The following ATP8A1 variants were observed in gnomAD, a reference collection of about 807,000 sequenced individuals.
ATP8A1 encodes the protein phospholipid-transporting ATPase IA.
ATP8A1 carries 90 observed loss-of-function variants against 177.7 expected under a neutral mutation model. That is an observed-to-expected ratio of 0.51 (90% CI 0.43 to 0.60). The LOEUF (loss-of-function observed/expected upper bound fraction) is 0.60. Ranked by LOEUF, ATP8A1 falls within the 20% of genes least tolerant of loss-of-function variation. ATP8A1 has a pLI of 0.00. For synonymous variants in ATP8A1, 493 were observed against 485.9 expected (o/e 1.01, Z -0.19); for missense variants, 1,072 against 1,392.8 (o/e 0.77, Z 3.67).
chr4:42,481,644 TG>T (rs1388417504), intron 25 of ATP8A1, among the ~76,000 whole-genome samples: 1 of 152,270 alleles, frequency 6.6e-6, no homozygotes, highest in African/African-American at 2.4e-5. Flanking sequence ...TGATTTCAGC[TG>T]TATCCATAAA....
At chr4:42,485,355 T>C in intron 25 of ATP8A1, 141 bp downstream of exon 25, 1 of 628,548 alleles carries the variant, frequency 1.6e-6, no homozygotes, top group South Asian at 3.5e-5. Flanking sequence ...TCCCAGTTTG[T>C]GAACCTCAAG....
chr4:42,635,067 T>C (rs892122040), intron 1 of ATP8A1, among the ~76,000 whole-genome samples: 1 of 152,206 alleles, frequency 6.6e-6, no homozygotes, highest in Non-Finnish European at 1.5e-5. Context: ...ATTTACTTAT[T>C]TTGGATAATA....
At chr4:42,474,263 C>T (rs1442811296) in intron 25 of ATP8A1, among the ~76,000 whole-genome samples, 1 of 152,028 alleles carries the variant, frequency 6.6e-6, no homozygotes, top group Non-Finnish European at 1.5e-5. Context: ...AAAAGAGTGG[C>T]ATGTGAGGGA....
At chr4:42,445,176 C>T (rs199512933) in intron 31 of ATP8A1, among the ~76,000 whole-genome samples, 11 of 152,168 alleles carry the variant, frequency 7.2e-5, no homozygotes, top group Non-Finnish European at 1.5e-4. Flanking sequence ...CTGGGGCTTA[C>T]GCTAGTCATT....
intron 33 of ATP8A1, among the ~76,000 whole-genome samples, chr4:42,431,513 C>G (rs1214083979): frequency 1.3e-5 from 2 of 152,006 alleles, no homozygotes; most frequent in Non-Finnish European, 2.9e-5. Context: ...AAGGTTTCTT[C>G]TTGTTGCTGT....
At chr4:42,475,489 G>C (rs1236221018) in intron 25 of ATP8A1, among the ~76,000 whole-genome samples, 1 of 27,940 alleles carries the variant, frequency 3.6e-5, no homozygotes, top group Non-Finnish European at 9.4e-5. Context: ...TTAAATATCA[G>C]ACAAAAAAAA....
chr4:42,425,053 T>C (rs1714430427), intron 33 of ATP8A1, among the ~76,000 whole-genome samples: 1 of 152,242 alleles, frequency 6.6e-6, no homozygotes, highest in Non-Finnish European at 1.5e-5. Context: ...ATAGGAAATG[T>C]CTATCAAGTC....
chr4:42,602,061 C>G (rs957754160), intron 5 of ATP8A1, among the ~76,000 whole-genome samples: 6 of 151,872 alleles, frequency 4.0e-5, no homozygotes. Flanking sequence ...GCTTATAAAA[C>G]AAATTAATGA....
chr4:42,472,336 A>G (rs1720519131), intron 25 of ATP8A1: 1 of 459,902 alleles, frequency 2.2e-6, no homozygotes, highest in Non-Finnish European at 4.2e-6. Context: ...TAAGCAGCTC[A>G]CAGGCGAGGA....
chr4:42,461,411 G>A (rs963760858), intron 27 of ATP8A1, among the ~76,000 whole-genome samples: 8 of 152,042 alleles, frequency 5.3e-5, no homozygotes, highest in African/African-American at 1.9e-4. Flanking sequence ...TCTTTCCAAT[G>A]CTGTTCTTGT....
At chr4:42,421,249 C>T (rs3935447) in intron 35 of ATP8A1, among the ~76,000 whole-genome samples, 57,232 of 151,984 alleles carry the variant, frequency 0.38, 11,093 homozygotes, top group African/African-American at 0.45. Context: ...TTATCATTCC[C>T]ATCCTGTACA....
intron 30 of ATP8A1, 107 bp from the exon 31 acceptor site, chr4:42,446,751 C>A (rs1209785805): frequency 4.7e-5 from 38 of 805,456 alleles, no homozygotes; most frequent in East Asian, 5.8e-5. Context: ...AAGGGATACA[C>A]AATGGAGCCA....
In ATP8A1 at chr4:42,472,486, C is replaced by T. The variant is rs146147740; in HGVS notation, c.2325-7410G>A. 790 of 290,840 alleles carry T rather than the reference C, an allele frequency of 2.7e-3. 5 individuals carry two copies. Among genetic ancestry groups the T allele is most frequent in the African/African-American group, 0.016 (690 of 44,486 alleles). 18.0% of individuals were successfully genotyped at this position (290,840 alleles called of 1,614,324 possible). A position where few individuals can be genotyped will look rare whatever the true frequency, so the allele number is the denominator to read the frequency against. ...AAATTTGGCCAGGAGCAGTGGCTCA[C>T]GCCTGTAATCCCAGCACTTTGGGAA... is the stretch of plus-strand genomic sequence containing the variant. On this transcript the variant is annotated intron_variant, in intron 25 of 36. Coordinates refer to ENST00000381668, the MANE Select transcript of ATP8A1 (RefSeq NM_006095.2).
At position 42,615,935 on chromosome 4, in the gene ATP8A1, T is replaced by C. The variant is rs372663980; in HGVS notation, c.409+98A>G. ...TCTACCCCAAAACAAAAACTTGAGATGCACACTATTTGCAATTGAATTATA... is the reference window on the plus strand; with the variant it reads ...TCTACCCCAAAACAAAAACTTGAGACGCACACTATTTGCAATTGAATTATA... On this transcript the variant is annotated intron_variant, in intron 5 of 36. Transcript: ENST00000381668. 106 of 1,141,306 alleles carry C rather than the reference T, an allele frequency of 9.3e-5. 2 individuals are homozygous for C. The highest frequency in any genetic ancestry group is 8.7e-4 in the East Asian group (36 of 41,456). 70.7% of individuals were successfully genotyped at this position (1,141,306 alleles called of 1,614,324 possible).
At chr4:42,601,399 C>T (rs1174374889) in intron 5 of ATP8A1, among the ~76,000 whole-genome samples, 1 of 149,684 alleles carries the variant, frequency 6.7e-6, no homozygotes, top group Non-Finnish European at 1.5e-5. Flanking sequence ...GAAGAAGAGG[C>T]TACTATTAAA....
intron 22 of ATP8A1, among the ~76,000 whole-genome samples, chr4:42,514,385 T>C (rs1725311301): frequency 6.6e-6 from 1 of 152,222 alleles, no homozygotes. Flanking sequence ...AGAAGGAACC[T>C]ATCCTACCAG....
intron 33 of ATP8A1, among the ~76,000 whole-genome samples, chr4:42,425,280 T>G (rs1459511003): frequency 6.6e-6 from 1 of 152,166 alleles, no homozygotes; most frequent in African/African-American, 2.4e-5. Flanking sequence ...GTATTAAATG[T>G]CCACCAGTGG....
chr4:42,473,720 A>C (rs976009313), intron 25 of ATP8A1, among the ~76,000 whole-genome samples: 11 of 151,958 alleles, frequency 7.2e-5, no homozygotes, highest in African/African-American at 2.7e-4. Flanking sequence ...ATCTTGGCTC[A>C]CTGTAGCCTC....
rs561419135 is a variant in ATP8A1 at position 42,498,191 on chromosome 4, T to C, written c.2151+5259A>G. 2.6e-5 allele frequency among the ~76,000 whole-genome samples: 4 copies of C among 152,346 alleles called. No individual in the cohort carries two copies. In the East Asian group the frequency reaches 7.7e-4, roughly 29 times the overall value. On this transcript the variant is annotated intron_variant, in intron 24 of 36. Transcript: ENST00000381668. ...CTGAAGTAGCCCAAATTCTCTTTTT[T>C]CCCTTCTTTTCTGGAGTTGAGTCAA...
Sources: gnomAD v4.1 joint callset for allele counts (sites outside exome capture counted in the v4.1 genomes callset) on GRCh38, gnomAD v4.1.1 for gene constraint, MANE v1.5 for transcripts, NCBI Gene and HGNC (gene_info 2026-07-23, HGNC 2026-07-21) for gene names.